Variants in TRABD2A observed in about 807,000 individuals in gnomAD.
TRABD2A encodes metalloprotease TIKI1.
TRABD2A carries 43 observed loss-of-function variants against 45.6 expected under a neutral mutation model. The observed-to-expected ratio is 0.94, with a 90% confidence interval of 0.74 to 1.22. The LOEUF (loss-of-function observed/expected upper bound fraction) is 1.22, where lower values mean the gene tolerates loss of function less well. Ranked by LOEUF, TRABD2A falls within the 50% of genes most tolerant of loss-of-function variation. The pLI, the probability that TRABD2A is intolerant of heterozygous loss-of-function variation, is 0.00. For synonymous variants in TRABD2A, 269 were observed against 265.0 expected (o/e 1.02, Z -0.15); for missense variants, 642 against 652.4 (o/e 0.98, Z 0.17).
chr2:84,824,164 T>G lies in TRABD2A; in HGVS notation c.1123A>C (p.Thr375Pro). 6.2e-7 allele frequency: 1 copy of G among 1,613,926 alleles called. No individual in the cohort carries two copies. The highest frequency in any genetic ancestry group is 8.5e-7 in the Non-Finnish European group (1 of 1,179,878). Reference sequence around the variant, plus strand: ...GTAGGGACTTTTGGAGCAAAGATGGTGGACAGAGTGGGCCGTGTGGAGGTC... The same window carrying G: ...GTAGGGACTTTTGGAGCAAAGATGGGGGACAGAGTGGGCCGTGTGGAGGTC... Reference protein sequence around the residue: ...KKTSTRPTLSTIFAPKVPTLE... With the variant: ...KKTSTRPTLSPIFAPKVPTLE... Residue 375 changes from threonine to proline, a missense_variant, in exon 6 of 7, where the codon ACC becomes CCC. Transcript: ENST00000409520.
intron 1 of TRABD2A, among the ~76,000 whole-genome samples, chr2:84,879,768 T>G (rs149023665): frequency 8.1e-4 from 124 of 152,228 alleles, no homozygotes; most frequent in Middle Eastern, 3.4e-3. Context: ...CCTGCCTTGG[T>G]AGAGGGCCGT....
At chr2:84,857,496 G>A (rs961790029) in intron 2 of TRABD2A, among the ~76,000 whole-genome samples, 4 of 152,166 alleles carry the variant, frequency 2.6e-5, no homozygotes, top group Non-Finnish European at 4.4e-5. Context: ...TGTGCCTGGG[G>A]CCAGTTAGGC....
At chr2:84,867,072 A>T (rs1321726078) in intron 2 of TRABD2A, among the ~76,000 whole-genome samples, 1 of 152,212 alleles carries the variant, frequency 6.6e-6, no homozygotes, top group Non-Finnish European at 1.5e-5. Context: ...TGTCTCAAAA[A>T]AAAAAAGTCA....
intron 1 of TRABD2A, among the ~76,000 whole-genome samples, chr2:84,871,197 C>T (rs766111146): frequency 3.3e-5 from 5 of 152,178 alleles, no homozygotes; most frequent in Non-Finnish European, 7.3e-5. Context: ...TGAGATTGTG[C>T]CATGCCTGCC....
intron 2 of TRABD2A, among the ~76,000 whole-genome samples, chr2:84,868,843 A>G (rs975284676): frequency 2.6e-5 from 4 of 152,246 alleles, no homozygotes; most frequent in Non-Finnish European, 5.9e-5. Context: ...CAAAATCAAT[A>G]AGCCTTCAAA....
chr2:84,867,105 G>A (rs1682706423), intron 2 of TRABD2A, among the ~76,000 whole-genome samples: 1 of 151,990 alleles, frequency 6.6e-6, no homozygotes, highest in Non-Finnish European at 1.5e-5. Flanking sequence ...CTCAGGTTGT[G>A]AGTATTTTAC....
chr2:84,844,062 CTCT>C (rs1681802755), intron 2 of TRABD2A: 1 of 152,230 alleles, frequency 6.6e-6, no homozygotes, highest in Non-Finnish European at 1.5e-5. Flanking sequence ...GCACAATAGC[CTCT>C]TCTGTCTTGG....
intron 2 of TRABD2A, among the ~76,000 whole-genome samples, chr2:84,863,597 C>CTTTTTTTTT (rs55952015): frequency 0.011 from 836 of 78,190 alleles, 3 homozygotes; most frequent in East Asian, 0.014. Flanking sequence ...TTCAAATTTT[C>CTTTTTTTTT]TTTTTTTTTT....
chr2:84,870,140 C>T (rs531414378), intron 2 of TRABD2A, 85 bp downstream of exon 2: 31 of 1,328,968 alleles, frequency 2.3e-5, no homozygotes, highest in East Asian at 9.3e-5. Context: ...AAGCTGTGCC[C>T]GTGATCCATC....
chr2:84,824,996 A>G (rs1681110497), intron 5 of TRABD2A, among the ~76,000 whole-genome samples: 1 of 152,224 alleles, frequency 6.6e-6, no homozygotes. Context: ...ATAAGCTACT[A>G]TAAGGACCAA....
At chr2:84,857,178 G>A (rs1682341266) in intron 2 of TRABD2A, among the ~76,000 whole-genome samples, 1 of 152,182 alleles carries the variant, frequency 6.6e-6, no homozygotes, top group African/African-American at 2.4e-5. Context: ...AGCAGCCCAA[G>A]CAGGCTAATA....
At chr2:84,862,438 G>A (rs531412453) in intron 2 of TRABD2A, among the ~76,000 whole-genome samples, 1 of 152,276 alleles carries the variant, frequency 6.6e-6, no homozygotes, top group African/African-American at 2.4e-5. Flanking sequence ...TAGTTCACCA[G>A]GGCAGGAGGC....
intron 1 of TRABD2A, among the ~76,000 whole-genome samples, chr2:84,873,374 C>A (rs1026041493): frequency 1.3e-5 from 2 of 149,270 alleles, no homozygotes; most frequent in African/African-American, 2.5e-5. Flanking sequence ...GAGCCAAGAT[C>A]CCGCCACTGC....
chr2:84,856,750 T>A (rs1682323278), intron 2 of TRABD2A, among the ~76,000 whole-genome samples: 2 of 152,106 alleles, frequency 1.3e-5, no homozygotes, highest in Admixed American at 6.5e-5. Flanking sequence ...TCCTGACCAT[T>A]TTTTCTCCTT....
At position 84,824,080 on chromosome 2, in the gene TRABD2A, C is replaced by CA; in HGVS notation, c.1206dup (p.Val403CysfsTer12). ...GTGTCGGCACTTCCAGGCCGGGACACAAGGGGAGGCAGCGTTGAGTGCCCT... is the reference window on the plus strand; with the variant it reads ...GTGTCGGCACTTCCAGGCCGGGACACAAAGGGGAGGCAGCGTTGAGTGCCCT... On this transcript the variant is annotated frameshift_variant, in exon 6 of 7. Transcript: ENST00000409520. LOFTEE classifies it high-confidence loss of function. 6.2e-7 allele frequency: 1 copy of CA among 1,613,824 alleles called. No individual in the cohort carries two copies. The highest frequency in any genetic ancestry group is 8.5e-7 in the Non-Finnish European group (1 of 1,179,794).
chr2:84,824,395 C>T (rs1253124331), intron 5 of TRABD2A, among the ~76,000 whole-genome samples, 191 bp from the exon 6 acceptor site: 1 of 144,294 alleles, frequency 6.9e-6, no homozygotes, highest in Non-Finnish European at 1.6e-5. Flanking sequence ...CCTTTTTTTT[C>T]CCCTCAGATA....
In TRABD2A at chr2:84,870,348, G is replaced by A; in HGVS notation, c.546C>T (p.Ser182=). 6.2e-7 allele frequency: 1 copy of A among 1,613,974 alleles called. No individual in the cohort carries two copies. The highest frequency in any genetic ancestry group is 1.3e-5 in the African/African-American group (1 of 75,030). ...VNSLTEVDIK[S]RGVPVLDLFL... ...ACAGGTCTAAGACAGGCACTCCACG[G>A]GACTTAATGTCCACTTCAGTCAGGG... Residue 182 remains serine (S), a synonymous_variant, in exon 2 of 7, where the codon TCC becomes TCT. Transcript: ENST00000409520.
rs1232751457 is a variant in TRABD2A, at chr2:84,824,052, G to C, written c.1235C>G (p.Pro412Arg). 4 of 1,613,822 alleles carry C rather than the reference G, an allele frequency of 2.5e-6. No individual in the cohort carries two copies. Among genetic ancestry groups the C allele is most frequent in the Non-Finnish European group, 3.4e-6 (4 of 1,179,818 alleles). ...CCGGAACCTCTGTTCGGCCTCACTGGGCGTGTCGGCACTTCCAGGCCGGGA... is the reference window on the plus strand; with the variant it reads ...CCGGAACCTCTGTTCGGCCTCACTGCGCGTGTCGGCACTTCCAGGCCGGGA... ...LVSRPGSADTPSEAEQRFRKK... is the reference protein window; with the variant it reads ...LVSRPGSADTRSEAEQRFRKK... Residue 412 changes from proline to arginine, a missense_variant, in exon 6 of 7, where the codon CCC (proline) becomes CGC (arginine). Pro to Arg is a moderately radical substitution (Grantham distance 103). Coordinates refer to ENST00000409520, the MANE Select transcript of TRABD2A (RefSeq NM_001277053.2).
Position 84,880,920 on chromosome 2 carries a change from C to T in TRABD2A, c.108+12G>A, listed in dbSNP as rs374619269. The T allele has an allele frequency of 5.7e-6, 9 of 1,581,254 alleles. No individual in the cohort carries two copies. In the African/African-American group the frequency reaches 8.1e-5, roughly 14 times the overall value. On this transcript the variant is annotated intron_variant, in intron 1 of 6. Coordinates refer to ENST00000409520, the MANE Select transcript of TRABD2A (RefSeq NM_001277053.2). Reference sequence around the variant, plus strand: ...GAGAGGCCGGCTCTCCAGCACCCGACGCGCGCCTTACTTGGGGCTTGAGCT... The same window carrying T: ...GAGAGGCCGGCTCTCCAGCACCCGATGCGCGCCTTACTTGGGGCTTGAGCT...
Sources: allele counts gnomAD v4.1 joint callset (sites outside exome capture counted in the v4.1 genomes callset), GRCh38; gene constraint gnomAD v4.1.1; transcripts MANE v1.5; gene names NCBI Gene and HGNC (gene_info 2026-07-23, HGNC 2026-07-21).